ZWILCH: variants seen among roughly 807,000 people sequenced by gnomAD.
ZWILCH encodes protein zwilch homolog.
In ZWILCH, 74 loss-of-function variants were observed where a neutral mutation model predicts 79.9. That is an observed-to-expected ratio of 0.93 (90% CI 0.77 to 1.12). The LOEUF (loss-of-function observed/expected upper bound fraction) is 1.12, where lower values mean the gene tolerates loss of function less well. Among genes scored for constraint, ZWILCH ranks in the 50% most tolerant of loss-of-function variants. The pLI is 0.00. For missense variants in ZWILCH, 694 were observed against 687.5 expected (o/e 1.01, Z -0.11); for synonymous variants, 241 against 228.2 (o/e 1.06, Z -0.51).
At chr15:66,532,903 A>T (rs538094792) in intron 13 of ZWILCH, 82 bp from the exon 14 acceptor site, 1 of 944,356 alleles carries the variant, frequency 1.1e-6, no homozygotes, top group South Asian at 2.8e-5. Context: ...AAGAATTTAA[A>T]TAGAAATTTA....
chr15:66,518,749 T>A (rs1344578051), intron 4 of ZWILCH, 130 bp from the exon 5 acceptor site: 2 of 805,392 alleles, frequency 2.5e-6, no homozygotes, highest in Non-Finnish European at 4.0e-6. Context: ...AGGCCAAGGC[T>A]GTAGTGAGCT....
rs1894802899 is a variant in ZWILCH, at chr15:66,529,708, C to T, written c.1155+135C>T. The stretch of plus-strand genomic sequence containing the variant: ...TAGCTGTGTAAAGTTCGGCAGGTTC[C>T]TTTACTTTTCTTGTGCCCCAACATC... On this transcript the variant is annotated intron_variant, in intron 12 of 18. Transcript: ENST00000307897. 7 of 618,642 alleles carry T rather than the reference C, an allele frequency of 1.1e-5. No homozygotes were observed. In the South Asian group the frequency reaches 1.5e-4, roughly 13 times the overall value. The allele number at this position is 618,642 out of a possible 1,614,324, so 38.3% of individuals were successfully genotyped here. A position where few individuals can be genotyped will look rare whatever the true frequency, so the allele number is the denominator to read the frequency against.
At chr15:66,515,686 T>G in intron 4 of ZWILCH, 42 bp downstream of exon 4, 1 of 1,339,288 alleles carries the variant, frequency 7.5e-7, no homozygotes, top group Non-Finnish European at 1.1e-6. Context: ...CAACTAGGAT[T>G]TAAATTGAAA....
chr15:66,520,699 T>C (rs374491700), intron 6 of ZWILCH, 39 bp downstream of exon 6: 4 of 1,364,772 alleles, frequency 2.9e-6, no homozygotes, highest in Admixed American at 4.4e-5. Flanking sequence ...TTTCTTCAAA[T>C]TGTTGTCAAC....
At chr15:66,540,634 C>CTT (rs763324094) in intron 17 of ZWILCH, among the ~76,000 whole-genome samples, 1 of 141,106 alleles carries the variant, frequency 7.1e-6, no homozygotes. Flanking sequence ...TATTTTCTTT[C>CTT]TTTTTTTTTT....
chr15:66,532,886 A>G, intron 13 of ZWILCH, 99 bp from the exon 14 acceptor site: 1 of 813,796 alleles, frequency 1.2e-6, no homozygotes, highest in Non-Finnish European at 1.8e-6. Context: ...ATGTAATTTA[A>G]GAATTTAAGA....
chr15:66,509,822 C>T (rs12903957), intron 2 of ZWILCH, among the ~76,000 whole-genome samples: 65 of 88,970 alleles, frequency 7.3e-4, no homozygotes, highest in African/African-American at 1.1e-3. Context: ...TGTGTGGCTA[C>T]ATATATATAT....
At chr15:66,533,737 C>G (rs1262186233) in intron 14 of ZWILCH, among the ~76,000 whole-genome samples, 2 of 152,094 alleles carry the variant, frequency 1.3e-5, no homozygotes, top group African/African-American at 4.8e-5. Context: ...CGCGCACACA[C>G]ACACACACAA....
At chr15:66,544,720 G>GTTTTTT (rs1555426549) in intron 17 of ZWILCH, among the ~76,000 whole-genome samples, 52 of 141,390 alleles carry the variant, frequency 3.7e-4, no homozygotes, top group African/African-American at 1.0e-3. Context: ...TGTTTTTTTG[G>GTTTTTT]TTTTTGTGTG....
At chr15:66,519,236 A>G (rs1239853579) in intron 5 of ZWILCH, 158 bp downstream of exon 5, 3 of 663,768 alleles carry the variant, frequency 4.5e-6, no homozygotes, top group African/African-American at 3.6e-5. Flanking sequence ...AACTTGCAGC[A>G]TGTGGGAGGT....
In ZWILCH at chr15:66,508,888, A is replaced by C. The variant is rs781710931; in HGVS notation, c.101A>C (p.Tyr34Ser). 1.3e-5 allele frequency: 21 copies of C among 1,613,822 alleles called. No individual in the cohort carries two copies. The highest frequency in any genetic ancestry group is 1.8e-5 in the Non-Finnish European group (21 of 1,179,928). Residue 34 changes from tyrosine to serine, a missense_variant, in exon 2 of 19, where the codon TAT becomes TCT. By Grantham distance (144) the Tyr-to-Ser change is moderately radical. Transcript: ENST00000307897. Reference protein sequence around the residue: ...KKGIRKDPFLYEADVQVQLIS... With the variant: ...KKGIRKDPFLSEADVQVQLIS... ...GGAATCCGTAAAGACCCATTTCTCT[A>C]TGAGGTATGAACAATTTGGTTTTTA...
chr15:66,529,336 A>C (rs1894788431), intron 11 of ZWILCH, among the ~76,000 whole-genome samples, 158 bp from the exon 12 acceptor site: 1 of 142,204 alleles, frequency 7.0e-6, no homozygotes, highest in African/African-American at 2.5e-5. Context: ...AATTCATTAA[A>C]TCTTTTTTTT....
In ZWILCH at chr15:66,548,471, C is replaced by A; in HGVS notation, c.*147C>A. On this transcript the variant is annotated 3_prime_UTR_variant, in exon 19 of 19. Coordinates refer to ENST00000307897, the MANE Select transcript of ZWILCH (RefSeq NM_017975.5). ...TCCTGAAGATTCTCTTATGAAGCTC[C>A]AAAATTGATAATCCTGTCTCAGCTC... 1 of 1,427,326 alleles carries A rather than the reference C, an allele frequency of 7.0e-7. No individual in the cohort carries two copies. Among genetic ancestry groups the A allele is most frequent in the Non-Finnish European group, 9.8e-7 (1 of 1,016,160 alleles). The allele number at this position is 1,427,326 out of a possible 1,614,324, so 88.4% of individuals were successfully genotyped here.
Position 66,540,190 on chromosome 15 carries a change from A to G in ZWILCH, c.1667A>G (p.His556Arg). Residue 556 changes from histidine (H) to arginine (R), a missense_variant, in exon 17 of 19, where the codon CAT becomes CGT. Transcript: ENST00000307897. ...WQLSDSSPID[H>R]LNFHKPDFSE... Reference sequence around the variant, plus strand: ...CTGAGTGACAGCTCACCCATAGACCATCTGAATTTTCACAAACCTGGTAAA... The same window carrying G: ...CTGAGTGACAGCTCACCCATAGACCGTCTGAATTTTCACAAACCTGGTAAA... 1 of 1,611,634 alleles carries G rather than the reference A, an allele frequency of 6.2e-7. No homozygotes were observed.
chr15:66,537,168 G>T lies in ZWILCH; in HGVS notation c.1479G>T (p.Gln493His). 1 of 1,609,964 alleles carries T rather than the reference G, an allele frequency of 6.2e-7. No individual in the cohort carries two copies. The highest frequency in any genetic ancestry group is 8.5e-7 in the Non-Finnish European group (1 of 1,178,486). ...SQHELLFSLT[Q>H]ICIKYYKQNP... The stretch of plus-strand genomic sequence containing the variant: ...AAGAGGTTCCATTTTGTTTTTTCAG[G>T]ATCTGCATAAAGTATTACAAACAAA... Residue 493 changes from glutamine to histidine, a missense_variant and splice_region_variant, in exon 16 of 19, where the codon CAG becomes CAT. Gln to His is a conservative substitution (Grantham distance 24, BLOSUM62 0). Transcript: ENST00000307897.
rs576797776 is a variant in ZWILCH at position 66,506,686 on chromosome 15, C to A, written c.53+1295C>A. Among the ~76,000 whole-genome samples the A allele has an allele frequency of 1.3e-4, 19 of 151,944 alleles. 1 individual carries two copies. The East Asian group carries it at 1.9e-3, about 16-fold the overall frequency. ...TAAATAAATAAATAAAAATAAAAAT[C>A]TCCTATTAACTAGGCATGGTGGTGC... On this transcript the variant is annotated intron_variant, in intron 1 of 18. Coordinates refer to ENST00000307897, the MANE Select transcript of ZWILCH (RefSeq NM_017975.5).
Position 66,518,998 on chromosome 15 carries a change from G to A in ZWILCH, c.440G>A (p.Gly147Asp), listed in dbSNP as rs201760221. Residue 147 changes from glycine to aspartate, a missense_variant, in exon 5 of 19, where the codon GGT (glycine) becomes GAT (aspartate). By Grantham distance (94) the Gly-to-Asp change is moderately conservative. Transcript: ENST00000307897. ...WVRCDSSDPE[G>D]TCWLGAELIT... ...AGATGTGACAGTTCAGATCCTGAAG[G>A]TACTTGTTGGCTAGGAGCTGAGCTT... 7 of 1,614,170 alleles carry A rather than the reference G, an allele frequency of 4.3e-6. No homozygotes were observed. Among genetic ancestry groups the A allele is most frequent in the Non-Finnish European group, 5.9e-6 (7 of 1,180,038 alleles).
Position 66,537,168 on chromosome 15 carries a change from G to A in ZWILCH, c.1479G>A (p.Gln493=), listed in dbSNP as rs1895040457. The A allele has an allele frequency of 1.2e-6, 2 of 1,609,846 alleles. No homozygotes were observed. The highest frequency in any genetic ancestry group is 1.7e-5 in the Admixed American group (1 of 59,514). ...AAGAGGTTCCATTTTGTTTTTTCAGGATCTGCATAAAGTATTACAAACAAA... is the reference window on the plus strand; with the variant it reads ...AAGAGGTTCCATTTTGTTTTTTCAGAATCTGCATAAAGTATTACAAACAAA... ...SQHELLFSLT[Q]ICIKYYKQNP... is the part of the protein sequence containing the mutation. The change falls in exon 16 of 19, where the codon CAG becomes CAA. Residue 493 remains glutamine (Q), a splice_region_variant and synonymous_variant. Transcript: ENST00000307897.
intron 18 of ZWILCH, 25 bp downstream of exon 18, chr15:66,546,730 C>T: frequency 7.5e-7 from 1 of 1,342,218 alleles, no homozygotes; most frequent in Non-Finnish European, 1.0e-6. Flanking sequence ...ATTTTAGTCT[C>T]TTTGTCAAAT....
Sources: gnomAD v4.1 joint callset for allele counts (sites outside exome capture counted in the v4.1 genomes callset) on GRCh38, gnomAD v4.1.1 for gene constraint, MANE v1.5 for transcripts, NCBI Gene and HGNC (gene_info 2026-07-23, HGNC 2026-07-21) for gene names.